Variants in STAB2 observed in about 807,000 individuals in gnomAD.
The protein encoded by STAB2 is stabilin-2.
In STAB2, 288 loss-of-function variants were observed where a neutral mutation model predicts 338.1. The observed-to-expected ratio is 0.85, with a 90% CI of 0.77 to 0.94. The LOEUF (loss-of-function observed/expected upper bound fraction) is 0.94. Among genes scored for constraint, STAB2 ranks in the 40% least tolerant of loss-of-function variants. STAB2 has a pLI of 0.00. For missense variants in STAB2, 3,141 were observed against 3,210.1 expected (o/e 0.98, Z 0.52); for synonymous variants, 1,202 against 1,193.3 (o/e 1.01, Z -0.15).
At chr12:103,607,025 T>A (rs1402413862) in intron 3 of STAB2, among the ~76,000 whole-genome samples, 1 of 152,060 alleles carries the variant, frequency 6.6e-6, no homozygotes, top group African/African-American at 2.4e-5. Flanking sequence ...AAAAAAAAGA[T>A]CTGTTGTCAT....
At chr12:103,713,618 T>C (rs1880058844) in intron 41 of STAB2, 25 bp from the exon 42 acceptor site, 2 of 1,612,618 alleles carry the variant, frequency 1.2e-6, no homozygotes, top group South Asian at 2.2e-5. Flanking sequence ...CCCTCTCCCC[T>C]TCTGCTCTGT....
chr12:103,617,223 A>G (rs755561791), intron 3 of STAB2, among the ~76,000 whole-genome samples: 1 of 152,170 alleles, frequency 6.6e-6, no homozygotes, highest in Non-Finnish European at 1.5e-5. Flanking sequence ...TGTTAAATCC[A>G]CAACTCTCTC....
At chr12:103,663,734 A>G (rs1175361138) in intron 18 of STAB2, among the ~76,000 whole-genome samples, 2 of 152,340 alleles carry the variant, frequency 1.3e-5, no homozygotes, top group South Asian at 2.1e-4. Context: ...TTAACGAATT[A>G]CATCTGCAAA....
In STAB2 at chr12:103,654,764, T is replaced by C; in HGVS notation, c.1551+66T>C. 1.9e-6 allele frequency: 3 copies of C among 1,566,216 alleles called. No homozygotes were observed. In the African/African-American group the frequency reaches 4.1e-5, roughly 21 times the overall value. On this transcript the variant is annotated intron_variant, in intron 13 of 68. Transcript: ENST00000388887. ...TTCCTTTGTTCCCTGGAGAGTCACA[T>C]CCAGAGCATGCCAGCACTCTGTGCT... is the stretch of plus-strand genomic sequence containing the variant.
At chr12:103,748,426 T>G (rs113254934) in intron 58 of STAB2, among the ~76,000 whole-genome samples, 1 of 152,160 alleles carries the variant, frequency 6.6e-6, no homozygotes, top group Admixed American at 6.5e-5. Context: ...CATGGATTTT[T>G]GGAGGCAAAC....
chr12:103,712,252 AT>A (rs372802886), intron 40 of STAB2, 114 bp from the exon 41 acceptor site: 71 of 814,676 alleles, frequency 8.7e-5, no homozygotes, highest in Admixed American at 4.0e-4. Flanking sequence ...GGCAGGACTT[AT>A]GAGTGTCTCA....
Position 103,742,539 on chromosome 12 carries a change from G to A in STAB2, c.6016G>A (p.Gly2006Arg), listed in dbSNP as rs778762402. Reference protein sequence around the residue: ...ACEMCWPGRFGPDCLPCGCSD... With the variant: ...ACEMCWPGRFRPDCLPCGCSD... ...TGAGATGTGCTGGCCGGGGAGATTC[G>A]GGCCTGATTGTCTGCGTATGTGGCG... Residue 2006 changes from glycine (G) to arginine (R), a missense_variant, in exon 56 of 69, where the codon GGG becomes AGG. Gly to Arg is a moderately radical substitution (Grantham distance 125). Transcript: ENST00000388887. 8 of 1,613,970 alleles carry A rather than the reference G, an allele frequency of 5.0e-6. No homozygotes were observed. The highest frequency in any genetic ancestry group is 5.1e-6 in the Non-Finnish European group (6 of 1,180,016).
chr12:103,669,887 T>G (rs1040473160), intron 21 of STAB2, among the ~76,000 whole-genome samples: 4 of 152,190 alleles, frequency 2.6e-5, no homozygotes, highest in African/African-American at 4.8e-5. Context: ...GAAGGATCTC[T>G]GGGCCTCACG....
intron 44 of STAB2, among the ~76,000 whole-genome samples, chr12:103,720,556 T>C (rs1008731331): frequency 3.3e-5 from 5 of 152,244 alleles, no homozygotes; most frequent in African/African-American, 7.2e-5. Context: ...TAAATGATGG[T>C]AATTCATTCC....
At chr12:103,648,567 C>G in intron 9 of STAB2, 123 bp from the exon 10 acceptor site, 2 of 1,326,724 alleles carry the variant, frequency 1.5e-6, no homozygotes, top group South Asian at 1.5e-5. Flanking sequence ...TAGGAATGCT[C>G]TCTTGTCCCT....
chr12:103,675,775 G>C lies in STAB2; in HGVS notation c.2553-153G>C, dbSNP rs143342044. Among the ~76,000 whole-genome samples, 230 of 152,354 alleles carry C rather than the reference G, an allele frequency of 1.5e-3. 2 individuals are homozygous for C. Among genetic ancestry groups the C allele is most frequent in the African/African-American group, 5.0e-3 (206 of 41,594 alleles). ...CAGGTGTATCTGATTACAGATCCCA[G>C]AAGTACCCCGACCACATTTGAGCGC... On this transcript the variant is annotated intron_variant, in intron 23 of 68. Transcript: ENST00000388887.
chr12:103,587,622 T>G, intron 1 of STAB2, 65 bp downstream of exon 1: 1 of 1,370,670 alleles, frequency 7.3e-7, no homozygotes, highest in African/African-American at 1.4e-5. Flanking sequence ...AAGCTTGTCG[T>G]TTTCCTCTGT....
intron 2 of STAB2, among the ~76,000 whole-genome samples, chr12:103,593,590 A>C (rs1457704421): frequency 6.6e-6 from 1 of 152,124 alleles, no homozygotes; most frequent in Non-Finnish European, 1.5e-5. Flanking sequence ...TCTATCCCCA[A>C]CTTGACTGTT....
At chr12:103,730,664 A>G (rs1881563904) in intron 49 of STAB2, among the ~76,000 whole-genome samples, 1 of 152,208 alleles carries the variant, frequency 6.6e-6, no homozygotes, top group Admixed American at 6.5e-5. Context: ...GTTTCTTGAG[A>G]TAGTAGATAC....
Position 103,704,559 on chromosome 12 carries a change from G to A in STAB2, c.3845G>A (p.Gly1282Glu), listed in dbSNP as rs2138972536. 1.9e-6 allele frequency: 3 copies of A among 1,612,946 alleles called. No individual in the cohort carries two copies. The East Asian group carries it at 6.7e-5, about 36-fold the overall frequency. ...TGATTGCTTTTGTGTTTTACCAAGG[G>A]AAGATGTAGGACATGCTCCTCAGAG... ...CDNNDTTIIR[G>E]RCRTCSSELT... The change falls in exon 36 of 69, where the codon GGA (glycine) becomes GAA (glutamate). Residue 1282 changes from glycine to glutamate, a missense_variant and splice_region_variant. Transcript: ENST00000388887.
intron 58 of STAB2, 104 bp downstream of exon 58, chr12:103,746,808 G>A (rs1883075302): frequency 3.6e-6 from 4 of 1,103,494 alleles, no homozygotes; most frequent in East Asian, 4.8e-5. Context: ...TCCTGTCTGG[G>A]CCACTTCAGC....
chr12:103,715,617 A>G (rs1439761573), intron 42 of STAB2, among the ~76,000 whole-genome samples, 198 bp from the exon 43 acceptor site: 1 of 152,220 alleles, frequency 6.6e-6, no homozygotes, highest in East Asian at 1.9e-4. Context: ...GGCCTATCCC[A>G]GAATAGTCAA....
intron 8 of STAB2, 44 bp from the exon 9 acceptor site, chr12:103,640,079 A>G: frequency 6.4e-7 from 1 of 1,558,584 alleles, no homozygotes; most frequent in Non-Finnish European, 8.7e-7. Flanking sequence ...AGCTGAAGTA[A>G]CTAACTAGGA....
At chr12:103,714,541 T>C (rs1027499288) in intron 42 of STAB2, among the ~76,000 whole-genome samples, 1 of 152,034 alleles carries the variant, frequency 6.6e-6, no homozygotes, top group Non-Finnish European at 1.5e-5. Flanking sequence ...CTACTAAAAA[T>C]ACAAAATTAG....
Sources: allele counts gnomAD v4.1 joint callset (sites outside exome capture counted in the v4.1 genomes callset), GRCh38; gene constraint gnomAD v4.1.1; transcripts MANE v1.5; gene names NCBI Gene and HGNC (gene_info 2026-07-23, HGNC 2026-07-21).